Variants in PPFIA2 observed in about 807,000 individuals in gnomAD.
PPFIA2 encodes the protein PPFI scaffold protein A2, also known as liprin-alpha-2.
A neutral mutation model predicts 175.5 loss-of-function variants in PPFIA2; 46 were observed. That is an observed-to-expected ratio of 0.26 (90% CI 0.21 to 0.34). The LOEUF is 0.34. Among genes scored for constraint, PPFIA2 ranks in the 10% least tolerant of loss-of-function variants. PPFIA2 has a pLI of 1.00. For missense variants in PPFIA2, 1,179 were observed against 1,506.1 expected, an observed-to-expected ratio of 0.78 and a Z score of 3.60; for synonymous variants, 568 against 511.4, an observed-to-expected ratio of 1.11 and a Z score of -1.49.
intron 4 of PPFIA2, chr12:81,471,401 G>A (rs1416938801): frequency 6.6e-6 from 1 of 150,430 alleles, no homozygotes; most frequent in Non-Finnish European, 1.5e-5. Context: ...TGGGCTCAAG[G>A]GATCCTGCTG....
rs185424977 is a variant in PPFIA2 at position 81,462,100 on chromosome 12, T to G, written c.304-4234A>C. Among the ~76,000 whole-genome samples, 426 of 151,204 alleles carry G rather than the reference T, an allele frequency of 2.8e-3. 2 individuals carry two copies. The highest frequency in any genetic ancestry group is 9.7e-3 in the African/African-American group (402 of 41,318). ...TAAATTTAGAAGATATTATTGGAGG[T>G]TTTTTTTAAATTTTTCTAAGTGAGA... On this transcript the variant is annotated intron_variant, in intron 4 of 32. Coordinates refer to ENST00000549396, the MANE Select transcript of PPFIA2 (RefSeq NM_003625.5).
intron 4 of PPFIA2, among the ~76,000 whole-genome samples, chr12:81,552,575 T>G (rs2068102324): frequency 1.4e-5 from 2 of 147,750 alleles, no homozygotes; most frequent in South Asian, 2.2e-4. Flanking sequence ...CAATAAAAAC[T>G]TATTATATGT....
chr12:81,570,383 T>C (rs1039330341), intron 4 of PPFIA2, among the ~76,000 whole-genome samples: 2 of 152,154 alleles, frequency 1.3e-5, no homozygotes, highest in African/African-American at 2.4e-5. Flanking sequence ...CCTTCACTTA[T>C]TGCCAGACTA....
At chr12:81,314,574 A>G (rs1245089426) in intron 22 of PPFIA2, among the ~76,000 whole-genome samples, 1 of 151,918 alleles carries the variant, frequency 6.6e-6, no homozygotes, top group Non-Finnish European at 1.5e-5. Flanking sequence ...AGAAATGACC[A>G]GCAAACATAT....
intron 4 of PPFIA2, among the ~76,000 whole-genome samples, chr12:81,533,164 A>G (rs190186589): frequency 1.1e-3 from 173 of 151,842 alleles, no homozygotes; most frequent in Non-Finnish European, 2.0e-3. Context: ...TTTAACCATG[A>G]TGGAAAGGGC....
At chr12:81,273,640 T>TC in intron 28 of PPFIA2, among the ~76,000 whole-genome samples, 1 of 152,304 alleles carries the variant, frequency 6.6e-6, no homozygotes, top group East Asian at 1.9e-4. Context: ...TGTATATGAA[T>TC]CTGGAAGCTG....
At chr12:81,642,738 T>TACATAC (rs1208210070) in intron 4 of PPFIA2, among the ~76,000 whole-genome samples, 699 of 47,594 alleles carry the variant, frequency 0.015, 267 homozygotes, top group Non-Finnish European at 0.028. Context: ...CATGTATATG[T>TACATAC]ATGTATGTAT....
At chr12:81,627,142 A>T (rs559864459) in intron 4 of PPFIA2, among the ~76,000 whole-genome samples, 1 of 152,132 alleles carries the variant, frequency 6.6e-6, no homozygotes, top group Admixed American at 6.5e-5. Context: ...GGAGGGACAA[A>T]AAGGGGCTGA....
At chr12:81,407,018 C>T (rs11114849) in intron 7 of PPFIA2, among the ~76,000 whole-genome samples, 24,366 of 152,092 alleles carry the variant, frequency 0.16, 2,713 homozygotes, top group East Asian at 0.42. Flanking sequence ...GGTATTTGAG[C>T]ATTTGGTATA....
chr12:81,423,314 C>A (rs1199521226), intron 7 of PPFIA2, among the ~76,000 whole-genome samples: 1 of 152,018 alleles, frequency 6.6e-6, no homozygotes, highest in Non-Finnish European at 1.5e-5. Context: ...AAATTACAGG[C>A]CAATATTTCT....
intron 3 of PPFIA2, among the ~76,000 whole-genome samples, chr12:81,711,993 T>C (rs1210112573): frequency 6.6e-6 from 1 of 151,208 alleles, no homozygotes; most frequent in Non-Finnish European, 1.5e-5. Context: ...AATTCAACAT[T>C]GTGCAAAAGA....
intron 7 of PPFIA2, among the ~76,000 whole-genome samples, chr12:81,439,707 G>A (rs2049805903): frequency 6.6e-6 from 1 of 152,110 alleles, no homozygotes; most frequent in Non-Finnish European, 1.5e-5. Flanking sequence ...CTGACGTTCT[G>A]CCTGTAGTCT....
chr12:81,608,150 G>C (rs568562346), intron 4 of PPFIA2, among the ~76,000 whole-genome samples: 1 of 152,216 alleles, frequency 6.6e-6, no homozygotes, highest in South Asian at 2.1e-4. Flanking sequence ...AAGCCCACTT[G>C]ATTGTGGTGA....
intron 4 of PPFIA2, among the ~76,000 whole-genome samples, chr12:81,598,909 C>A (rs1019767202): frequency 3.3e-5 from 5 of 151,966 alleles, no homozygotes; most frequent in African/African-American, 1.2e-4. Context: ...AAAAGTACCA[C>A]ATATTTGTTT....
chr12:81,357,052 G>T (rs1425108489), intron 16 of PPFIA2, among the ~76,000 whole-genome samples: 1 of 152,054 alleles, frequency 6.6e-6, no homozygotes, highest in Non-Finnish European at 1.5e-5. Context: ...TAAAAAATTG[G>T]TTTTTATTTT....
intron 4 of PPFIA2, among the ~76,000 whole-genome samples, chr12:81,480,879 G>A (rs2058130771): frequency 1.3e-5 from 2 of 152,304 alleles, no homozygotes; most frequent in African/African-American, 4.8e-5. Flanking sequence ...AGTATTGGAA[G>A]TTCTGGCCAC....
At chr12:81,555,102 T>C (rs769947277) in intron 4 of PPFIA2, among the ~76,000 whole-genome samples, 1 of 151,970 alleles carries the variant, frequency 6.6e-6, no homozygotes, top group African/African-American at 2.4e-5. Flanking sequence ...ATCCTCAAAG[T>C]GCTATATTTT....
At chr12:81,649,266 A>T (rs2153529643) in intron 4 of PPFIA2, among the ~76,000 whole-genome samples, 1 of 152,314 alleles carries the variant, frequency 6.6e-6, no homozygotes, top group South Asian at 2.1e-4. Context: ...TAACAAGAAG[A>T]TTAAAAAGTA....
chr12:81,448,003 GT>G (rs999269153), intron 5 of PPFIA2, among the ~76,000 whole-genome samples: 31 of 149,990 alleles, frequency 2.1e-4, no homozygotes, highest in East Asian at 1.2e-3. Context: ...AATGAAAACT[GT>G]TTTTTTTTCT....
Sources: allele counts gnomAD v4.1 joint callset (sites outside exome capture counted in the v4.1 genomes callset), GRCh38; gene constraint gnomAD v4.1.1; transcripts MANE v1.5; gene names NCBI Gene and HGNC (gene_info 2026-07-23, HGNC 2026-07-21).